Variants in IK observed in about 807,000 individuals in gnomAD.
IK encodes the protein protein Red.
IK carries 47 observed loss-of-function variants against 90.9 expected under a neutral mutation model. That is an observed-to-expected ratio of 0.52 (90% confidence interval 0.41 to 0.66). IK has a LOEUF of 0.66. Ranked by LOEUF, IK falls within the 30% of genes least tolerant of loss-of-function variation. The pLI, the probability that IK is intolerant of heterozygous loss-of-function variation, is 0.00. For synonymous variants in IK, 201 were observed against 227.5 expected, an observed-to-expected ratio of 0.88 and a Z score of 1.05; for missense variants, 385 against 709.3, an observed-to-expected ratio of 0.54 and a Z score of 5.19.
intron 8 of IK, 70 bp from the exon 9 acceptor site, chr5:140,655,759 C>T: frequency 1.3e-6 from 2 of 1,509,644 alleles, no homozygotes; most frequent in Non-Finnish European, 1.8e-6. Context: ...GTGGCTAGCA[C>T]AGAGTAAGCA....
intron 15 of IK, 73 bp downstream of exon 15, chr5:140,660,268 A>C: frequency 1.7e-6 from 1 of 592,270 alleles, no homozygotes; most frequent in Non-Finnish European, 3.0e-6. Context: ...TGGAAATTTG[A>C]TTCGCTAAGT....
At chr5:140,653,913 T>G in intron 5 of IK, 25 bp from the exon 6 acceptor site, 1 of 1,441,790 alleles carries the variant, frequency 6.9e-7, no homozygotes, top group African/African-American at 1.4e-5. Context: ...AGTACTGTTC[T>G]TATGTGGCCT....
intron 16 of IK, 164 bp downstream of exon 16, chr5:140,660,979 T>G: frequency 1.8e-6 from 1 of 557,230 alleles, no homozygotes; most frequent in Admixed American, 3.2e-5. Context: ...AGCTTAACTA[T>G]TTCAGAGTCT....
At chr5:140,652,172 G>T (rs1757625939) in intron 4 of IK, 25 bp downstream of exon 4, 1 of 1,580,014 alleles carries the variant, frequency 6.3e-7, no homozygotes. Context: ...AAGGGTTTTA[G>T]ATTTTAAGGT....
intron 2 of IK, chr5:140,649,021 G>A: frequency 5.7e-6 from 1 of 176,254 alleles, no homozygotes; most frequent in Non-Finnish European, 1.2e-5. Flanking sequence ...ATTTTTAGTA[G>A]AGATGGGGTT....
At chr5:140,654,118 A>G in intron 6 of IK, 66 bp downstream of exon 6, 1 of 895,964 alleles carries the variant, frequency 1.1e-6, no homozygotes, top group Non-Finnish European at 1.8e-6. Flanking sequence ...GGGTCTGGCA[A>G]GATGAGGAGG....
rs777172250 is a variant in IK at position 140,652,062 on chromosome 5, A to G, written c.177-26A>G. The G allele has an allele frequency of 8.8e-6, 14 of 1,590,388 alleles. No individual in the cohort carries two copies. The Admixed American group carries it at 2.3e-4, about 27-fold the overall frequency. On this transcript the variant is annotated intron_variant, in intron 3 of 19. Coordinates refer to ENST00000417647, the MANE Select transcript of IK (RefSeq NM_006083.4). ...TCTGGGGCTGTGGCAATATTTTGCT[A>G]TCAGTGAATTTCTCGTCTCTTCTAG... is the stretch of plus-strand genomic sequence containing the variant.
chr5:140,648,607 A>G, intron 2 of IK, 70 bp downstream of exon 2: 1 of 1,399,444 alleles, frequency 7.1e-7, no homozygotes, highest in South Asian at 1.2e-5. Flanking sequence ...TGATGGTGAA[A>G]GAATTCTGAA....
At chr5:140,662,277 T>C (rs1363802927) in intron 19 of IK, 25 bp from the exon 20 acceptor site, 3 of 1,614,038 alleles carry the variant, frequency 1.9e-6, no homozygotes, top group Non-Finnish European at 2.5e-6. Flanking sequence ...GATCTTATAC[T>C]GACCCATTTC....
rs777258491 is a variant in IK, at chr5:140,647,920, A to G, written c.12A>G (p.Arg4=). The G allele has an allele frequency of 1.9e-6, 3 of 1,613,834 alleles. No homozygotes were observed. Among genetic ancestry groups the G allele is most frequent in the East Asian group, 4.5e-5 (2 of 44,898 alleles). The change falls in exon 1 of 20, where the codon CGA becomes CGG. Residue 4 remains arginine, a synonymous_variant. Coordinates refer to ENST00000417647, the MANE Select transcript of IK (RefSeq NM_006083.4). Reference sequence around the variant, plus strand: ...AGAACGATAACAAAATGCCGGAGCGAGATAGTAAGGCTCAGGCCATCCGTT... The same window carrying G: ...AGAACGATAACAAAATGCCGGAGCGGGATAGTAAGGCTCAGGCCATCCGTT... The part of the protein sequence containing the change: MPE[R]DSEPFSNPLA...
At chr5:140,647,965 T>C (rs1757508441) in intron 1 of IK, 41 bp downstream of exon 1, 1 of 1,606,500 alleles carries the variant, frequency 6.2e-7, no homozygotes, top group South Asian at 1.1e-5. Context: ...CCATGGCACT[T>C]GGGGCACTTG....
chr5:140,656,023 T>C, intron 9 of IK, 31 bp downstream of exon 9: 1 of 1,548,948 alleles, frequency 6.5e-7, no homozygotes, highest in Non-Finnish European at 8.7e-7. Context: ...GAGCCTATCA[T>C]GTGAGCCTCA....
rs199525545 is a variant in IK, at chr5:140,659,019, G to A, written c.1031G>A (p.Arg344Gln). 3.5e-5 allele frequency: 57 copies of A among 1,612,994 alleles called. No homozygotes were observed. Among genetic ancestry groups the A allele is most frequent in the Admixed American group, 1.8e-4 (11 of 60,000 alleles). Residue 344 changes from arginine (R) to glutamine (Q), a missense_variant, in exon 12 of 20, where the codon CGG (arginine) becomes CAG (glutamine). Arg to Gln is a conservative substitution (Grantham distance 43, BLOSUM62 1). Transcript: ENST00000417647. ...AAGGAGCGGGAGAGATATCGGGAAC[G>A]GGAGCGTGATCGGGAAAGAGACAGA... ...RDKERERYRE[R>Q]ERDRERDRDR...
At chr5:140,652,913 C>A in intron 4 of IK, 64 bp from the exon 5 acceptor site, 4 of 1,491,760 alleles carry the variant, frequency 2.7e-6, no homozygotes, top group Non-Finnish European at 3.7e-6. Context: ...CAAGCAGGAA[C>A]AGTTCTGTTG....
chr5:140,648,108 T>C, intron 1 of IK, 184 bp downstream of exon 1: 1 of 759,418 alleles, frequency 1.3e-6, no homozygotes, highest in South Asian at 1.4e-5. Context: ...GGCCGACAGC[T>C]CCAAACTCCG....
chr5:140,652,633 C>G (rs765321634), intron 4 of IK, among the ~76,000 whole-genome samples: 1 of 152,024 alleles, frequency 6.6e-6, no homozygotes, highest in South Asian at 2.1e-4. Context: ...TTCTTTTCAG[C>G]TGAAATTTAG....
At chr5:140,651,939 C>A in intron 3 of IK, 133 bp downstream of exon 3, 1 of 816,036 alleles carries the variant, frequency 1.2e-6, no homozygotes, top group Non-Finnish European at 2.1e-6. Context: ...GAACTGCCCA[C>A]CTACAAATAT....
At position 140,654,605 on chromosome 5, in the gene IK, A is replaced by G. The variant is rs775560681; in HGVS notation, c.590+19A>G. The G allele has an allele frequency of 6.3e-7, 1 of 1,586,134 alleles. No homozygotes were observed. Among genetic ancestry groups the G allele is most frequent in the Non-Finnish European group, 8.6e-7 (1 of 1,164,222 alleles). ...AAACCAAGTAAGTAAATATTATGGA[A>G]AGGTTGAGAATTTAGAAAGGTGGGA... On this transcript the variant is annotated intron_variant, in intron 7 of 19. Coordinates refer to ENST00000417647, the MANE Select transcript of IK (RefSeq NM_006083.4).
Position 140,653,138 on chromosome 5 carries a change from C to G in IK, c.398C>G (p.Ala133Gly). 6.2e-7 allele frequency: 1 copy of G among 1,613,576 alleles called. No homozygotes were observed. Among genetic ancestry groups the G allele is most frequent in the Non-Finnish European group, 8.5e-7 (1 of 1,179,622 alleles). The change falls in exon 5 of 20, where the codon GCT (alanine) becomes GGT (glycine). Residue 133 changes from alanine (A) to glycine (G), a missense_variant. Ala to Gly is a moderately conservative substitution (Grantham distance 60, BLOSUM62 0). Coordinates refer to ENST00000417647, the MANE Select transcript of IK (RefSeq NM_006083.4). ...TANYRAVGPTAEADKSAAEKR... is the reference protein window; with the variant it reads ...TANYRAVGPTGEADKSAAEKR... ...AACTATAGGGCTGTTGGCCCCACTG[C>G]TGAGGCGTGAGTACTGAGGGAACAG...
Sources: allele counts gnomAD v4.1 joint callset (sites outside exome capture counted in the v4.1 genomes callset), GRCh38; gene constraint gnomAD v4.1.1; transcripts MANE v1.5; gene names NCBI Gene and HGNC (gene_info 2026-07-23, HGNC 2026-07-21).